The following SMOC2 variants were observed in gnomAD, a reference collection of about 807,000 sequenced individuals.
SMOC2 encodes the protein SPARC related modular calcium binding 2, also known as SPARC-related modular calcium-binding protein 2.
Under a neutral mutation model 61.4 loss-of-function variants are expected in SMOC2, and 39 were observed. The observed-to-expected ratio is 0.64, with a 90% CI of 0.49 to 0.83. The LOEUF (loss-of-function observed/expected upper bound fraction) is 0.83, where lower values mean the gene tolerates loss of function less well. Among genes scored for constraint, SMOC2 ranks in the 40% least tolerant of loss-of-function variants. SMOC2 has a pLI of 0.00. For missense variants in SMOC2, 556 were observed against 592.9 expected (o/e 0.94, Z 0.65); for synonymous variants, 247 against 239.9 (o/e 1.03, Z -0.27).
At chr6:168,524,929 C>T (rs1048182539) in intron 2 of SMOC2, among the ~76,000 whole-genome samples, 2 of 152,214 alleles carry the variant, frequency 1.3e-5, no homozygotes, top group African/African-American at 2.4e-5. Flanking sequence ...CCCGCTGTGA[C>T]GGGTGGAGCC....
intron 7 of SMOC2, among the ~76,000 whole-genome samples, chr6:168,557,501 T>C (rs1380438882): frequency 6.6e-6 from 1 of 152,218 alleles, no homozygotes; most frequent in Non-Finnish European, 1.5e-5. Flanking sequence ...GCAAACCCTA[T>C]CTGAGTGGTT....
intron 2 of SMOC2, among the ~76,000 whole-genome samples, chr6:168,514,481 T>TTC (rs1344161900): frequency 1.3e-5 from 2 of 152,260 alleles, no homozygotes; most frequent in African/African-American, 4.8e-5. Context: ...AGGAAGCATG[T>TTC]TCTTCTTTCC....
At chr6:168,633,983 C>G (rs1193812369) in intron 9 of SMOC2, among the ~76,000 whole-genome samples, 3 of 152,196 alleles carry the variant, frequency 2.0e-5, no homozygotes, top group Non-Finnish European at 4.4e-5. Flanking sequence ...ATTCCCCCTT[C>G]ACTTTGAACT....
intron 9 of SMOC2, among the ~76,000 whole-genome samples, chr6:168,644,580 T>C (rs1341199160): frequency 6.6e-6 from 1 of 151,852 alleles, no homozygotes; most frequent in East Asian, 1.9e-4. Flanking sequence ...CAGAGCTCTT[T>C]CCAGGCACCC....
At chr6:168,552,215 G>A (rs953238034) in intron 7 of SMOC2, among the ~76,000 whole-genome samples, 3 of 152,136 alleles carry the variant, frequency 2.0e-5, no homozygotes, top group African/African-American at 4.8e-5. Context: ...ACAATGAAAT[G>A]ACAATCATAG....
chr6:168,599,307 ACACC>A (rs757022624), intron 8 of SMOC2, among the ~76,000 whole-genome samples: 1 of 124,154 alleles, frequency 8.1e-6, no homozygotes, highest in African/African-American at 3.1e-5. Flanking sequence ...TACCACACAC[ACACC>A]CCCACACTGT....
intron 2 of SMOC2, among the ~76,000 whole-genome samples, chr6:168,513,319 A>G (rs1783052072): frequency 6.8e-6 from 1 of 146,006 alleles, no homozygotes; most frequent in African/African-American, 2.5e-5. Flanking sequence ...CTATAGTTCT[A>G]TATCAGTATT....
At chr6:168,498,386 C>T (rs989644849) in intron 1 of SMOC2, among the ~76,000 whole-genome samples, 4 of 152,240 alleles carry the variant, frequency 2.6e-5, no homozygotes, top group Non-Finnish European at 5.9e-5. Flanking sequence ...AACGCATTCG[C>T]TATTCCAGGG....
At chr6:168,649,125 G>A (rs994136173) in intron 9 of SMOC2, among the ~76,000 whole-genome samples, 23 of 152,204 alleles carry the variant, frequency 1.5e-4, no homozygotes, top group African/African-American at 4.8e-4. Context: ...TGAGGGCCAC[G>A]GGGAAGGCGG....
chr6:168,504,836 T>C (rs1782824550), intron 1 of SMOC2, among the ~76,000 whole-genome samples: 2 of 152,214 alleles, frequency 1.3e-5, no homozygotes, highest in South Asian at 4.1e-4. Context: ...GGTCACTTAA[T>C]AACTATTTAA....
intron 9 of SMOC2, among the ~76,000 whole-genome samples, chr6:168,618,788 C>A (rs1362098042): frequency 6.6e-6 from 1 of 152,090 alleles, no homozygotes; most frequent in East Asian, 1.9e-4. Flanking sequence ...GACATCGTCT[C>A]CTGCAGGGAC....
At chr6:168,521,030 A>AT (rs1783316928) in intron 2 of SMOC2, among the ~76,000 whole-genome samples, 1 of 152,256 alleles carries the variant, frequency 6.6e-6, no homozygotes. Flanking sequence ...GATTCTAGCA[A>AT]AGTAGGGAAT....
At chr6:168,509,801 A>G in intron 1 of SMOC2, 114 bp from the exon 2 acceptor site, 3 of 990,400 alleles carry the variant, frequency 3.0e-6, no homozygotes, top group South Asian at 2.1e-5. Context: ...GGGTGGTGTT[A>G]TCCCTCAAGC....
At chr6:168,666,258 G>A (rs1787658980) in intron 12 of SMOC2, among the ~76,000 whole-genome samples, 163 bp from the exon 13 acceptor site, 1 of 151,820 alleles carries the variant, frequency 6.6e-6, no homozygotes. Context: ...GAAGTTACCA[G>A]TGTCCAAAAT....
rs13215061 is a variant in SMOC2 at position 168,560,572 on chromosome 6, A to C, written c.637+11369A>C. 5.4e-5 allele frequency among the ~76,000 whole-genome samples: 3 copies of C among 55,242 alleles called. 1 individual carries two copies. Among genetic ancestry groups the C allele is most frequent in the Middle Eastern group, 9.3e-3 (1 of 108 alleles). 36.2% of individuals were successfully genotyped at this position (55,242 alleles called of 152,430 possible). A position where few individuals can be genotyped will look rare whatever the true frequency, so the allele number is the denominator to read the frequency against. ...CCCTGAGACACGAGGCTCTCACTGCATTCTTGGAGGAGGTGTCATTTTCCT... is the reference window on the plus strand; with the variant it reads ...CCCTGAGACACGAGGCTCTCACTGCCTTCTTGGAGGAGGTGTCATTTTCCT... On this transcript the variant is annotated intron_variant, in intron 7 of 12. Transcript: ENST00000356284.
At chr6:168,650,984 T>C (rs140640236) in intron 10 of SMOC2, among the ~76,000 whole-genome samples, 1 of 152,218 alleles carries the variant, frequency 6.6e-6, no homozygotes, top group African/African-American at 2.4e-5. Flanking sequence ...AACACTCCCA[T>C]AGGGGTACAT....
intron 1 of SMOC2, among the ~76,000 whole-genome samples, chr6:168,443,466 C>T (rs748306455): frequency 1.6e-4 from 25 of 152,146 alleles, no homozygotes; most frequent in Non-Finnish European, 3.2e-4. Context: ...GGCTGCATTC[C>T]CCAAGAACAG....
At chr6:168,536,555 G>A (rs9456174) in intron 4 of SMOC2, among the ~76,000 whole-genome samples, 1,599 of 152,240 alleles carry the variant, frequency 0.011, 35 homozygotes, top group African/African-American at 0.036. Flanking sequence ...ACCACTTCCA[G>A]TCATGTTATC....
chr6:168,480,064 G>A (rs916066526), intron 1 of SMOC2, among the ~76,000 whole-genome samples: 1 of 151,552 alleles, frequency 6.6e-6, no homozygotes, highest in East Asian at 1.9e-4. Context: ...CCTTGGCACA[G>A]AGACAGCCCA....
Sources: gnomAD v4.1 joint callset for allele counts (sites outside exome capture counted in the v4.1 genomes callset) on GRCh38, gnomAD v4.1.1 for gene constraint, MANE v1.5 for transcripts, NCBI Gene and HGNC (gene_info 2026-07-23, HGNC 2026-07-21) for gene names.